The following PDZRN3 variants were observed in gnomAD, a reference collection of about 807,000 sequenced individuals.
The protein encoded by PDZRN3 is PDZ domain containing ring finger 3, also known as E3 ubiquitin-protein ligase PDZRN3.
A neutral mutation model predicts 85.7 loss-of-function variants in PDZRN3; 38 were observed. The ratio of observed to expected loss-of-function variants is 0.44; its 90% CI spans 0.34 to 0.58. PDZRN3 has a LOEUF of 0.58. Ranked by LOEUF, PDZRN3 falls within the 20% of genes least tolerant of loss-of-function variation. PDZRN3 has a pLI of 0.01. For missense variants in PDZRN3, 1,629 were observed against 1,506.4 expected (o/e 1.08, Z -1.35); for synonymous variants, 759 against 638.0 (o/e 1.19, Z -2.86).
chr3:73,448,195 T>C (rs1575660982), intron 3 of PDZRN3, among the ~76,000 whole-genome samples: 1 of 152,182 alleles, frequency 6.6e-6, no homozygotes, highest in African/African-American at 2.4e-5. Flanking sequence ...AAATCCCAGC[T>C]CAGCTTCTTT....
Position 73,624,188 on chromosome 3 carries a change from G to C in PDZRN3, c.638C>G (p.Ala213Gly). 1 of 1,499,852 alleles carries C rather than the reference G, an allele frequency of 6.7e-7. No individual in the cohort carries two copies. The highest frequency in any genetic ancestry group is 2.7e-5 in the East Asian group (1 of 36,368). 92.9% of individuals were successfully genotyped at this position (1,499,852 alleles called of 1,614,324 possible). Residue 213 changes from alanine to glycine, a missense_variant, in exon 1 of 10, where the codon GCG becomes GGG. Physicochemically the swap from Ala to Gly is moderately conservative, Grantham distance 60. Coordinates refer to ENST00000263666, the MANE Select transcript of PDZRN3 (RefSeq NM_015009.3). ...GGTGAATTTCTTCTGGTAGCGCAGC[G>C]CGGTCATCTGCAGCTCAAGCTGCGC... is the stretch of plus-strand genomic sequence containing the variant. Reference protein sequence around the residue: ...AAAQLELQMTALRYQKKFTEY... With the variant: ...AAAQLELQMTGLRYQKKFTEY...
At chr3:73,386,743 T>A (rs573330318) in intron 8 of PDZRN3, among the ~76,000 whole-genome samples, 4 of 152,240 alleles carry the variant, frequency 2.6e-5, no homozygotes, top group Admixed American at 6.5e-5. Flanking sequence ...ATTTACTATC[T>A]GGCCCTTTAA....
intron 3 of PDZRN3, among the ~76,000 whole-genome samples, chr3:73,448,380 T>C (rs1449546111): frequency 2.0e-5 from 3 of 152,246 alleles, no homozygotes. Context: ...TCTTCCTTTC[T>C]TTTTTACATT....
intron 3 of PDZRN3, among the ~76,000 whole-genome samples, chr3:73,451,849 TCA>T (rs58276955): frequency 0.21 from 31,543 of 148,722 alleles, 7,906 homozygotes; most frequent in African/African-American, 0.61. Flanking sequence ...TAGCTTCTCA[TCA>T]CACACACACA....
chr3:73,496,294 G>T (rs895559679), intron 3 of PDZRN3, among the ~76,000 whole-genome samples: 10 of 152,164 alleles, frequency 6.6e-5, no homozygotes, highest in South Asian at 2.1e-4. Flanking sequence ...CTTCGGAGAG[G>T]TAAATATTCT....
intron 3 of PDZRN3, among the ~76,000 whole-genome samples, chr3:73,488,499 T>C (rs905185743): frequency 6.6e-6 from 1 of 152,216 alleles, no homozygotes; most frequent in African/African-American, 2.4e-5. Flanking sequence ...GCTCTTCCCT[T>C]GGATGCTACC....
At chr3:73,404,908 C>T (rs937647905) in intron 3 of PDZRN3, among the ~76,000 whole-genome samples, 8 of 152,152 alleles carry the variant, frequency 5.3e-5, no homozygotes, top group African/African-American at 1.2e-4. Flanking sequence ...CAGGCCATAG[C>T]GGCATATGGC....
At position 73,383,679 on chromosome 3, in the gene PDZRN3, C is replaced by T. The variant is rs150622040; in HGVS notation, c.2887G>A (p.Ala963Thr). 2 of 1,611,974 alleles carry T rather than the reference C, an allele frequency of 1.2e-6. No individual in the cohort carries two copies. Among genetic ancestry groups the T allele is most frequent in the Admixed American group, 1.7e-5 (1 of 60,014 alleles). ...ERSGMTTDDD[A>T]VSEMKMGRYW... ...CGCCCCATCTTCATCTCGCTCACCG[C>T]GTCGTCGTCGGTGGTCATGCCGCTG... Residue 963 changes from alanine (A) to threonine (T), a missense_variant, in exon 10 of 10, where the codon GCG becomes ACG. Coordinates refer to ENST00000263666, the MANE Select transcript of PDZRN3 (RefSeq NM_015009.3).
chr3:73,403,030 G>A (rs988574590), intron 4 of PDZRN3, among the ~76,000 whole-genome samples: 2 of 146,066 alleles, frequency 1.4e-5, no homozygotes, highest in African/African-American at 2.6e-5. Flanking sequence ...TGCAAGCTCC[G>A]CCTCCCGGGT....
intron 9 of PDZRN3, among the ~76,000 whole-genome samples, chr3:73,385,298 GGTA>G (rs1701349531): frequency 6.6e-6 from 1 of 152,196 alleles, no homozygotes; most frequent in African/African-American, 2.4e-5. Flanking sequence ...CTCTGACAAT[GGTA>G]GTAGCATAGC....
Position 73,384,188 on chromosome 3 carries a change from C to T in PDZRN3, c.2378G>A (p.Gly793Glu). 1 of 1,614,022 alleles carries T rather than the reference C, an allele frequency of 6.2e-7. No individual in the cohort carries two copies. The highest frequency in any genetic ancestry group is 8.5e-7 in the Non-Finnish European group (1 of 1,180,032). ...AEGISCPSSE[G>E]AVGTTEAYGP... is the part of the protein sequence containing the mutation. ...GTAGGCTTCCGTGGTCCCCACAGCC[C>T]CTTCGCTGCTCGGGCAGCTGATGCC... is the stretch of plus-strand genomic sequence containing the variant. The change falls in exon 10 of 10, where the codon GGG becomes GAG. Residue 793 changes from glycine to glutamate, a missense_variant. Transcript: ENST00000263666.
intron 2 of PDZRN3, among the ~76,000 whole-genome samples, chr3:73,606,506 C>T (rs1702601185): frequency 6.6e-6 from 1 of 152,150 alleles, no homozygotes; most frequent in Non-Finnish European, 1.5e-5. Context: ...CAGAACAGCA[C>T]ATGATGACAT....
intron 3 of PDZRN3, among the ~76,000 whole-genome samples, chr3:73,474,963 C>T (rs762614361): frequency 2.0e-5 from 3 of 152,114 alleles, no homozygotes; most frequent in Non-Finnish European, 4.4e-5. Flanking sequence ...GTCTTTTCTG[C>T]TCAAAGAGTC....
At chr3:73,437,534 T>G (rs1702553606) in intron 3 of PDZRN3, among the ~76,000 whole-genome samples, 1 of 152,206 alleles carries the variant, frequency 6.6e-6, no homozygotes, top group Non-Finnish European at 1.5e-5. Flanking sequence ...ACAAGGGTAC[T>G]TTGGTGAGTC....
intron 3 of PDZRN3, among the ~76,000 whole-genome samples, chr3:73,433,232 G>A (rs1217746857): frequency 6.6e-6 from 1 of 152,192 alleles, no homozygotes; most frequent in Non-Finnish European, 1.5e-5. Flanking sequence ...TGAAAGGAGC[G>A]CCTTATAACT....
intron 3 of PDZRN3, among the ~76,000 whole-genome samples, chr3:73,424,700 C>G (rs990995970): frequency 6.6e-6 from 1 of 151,902 alleles, no homozygotes; most frequent in African/African-American, 2.4e-5. Context: ...GAGGAAAAAT[C>G]CAACAGAGAA....
At chr3:73,503,691 C>G (rs1704022035) in intron 3 of PDZRN3, among the ~76,000 whole-genome samples, 1 of 152,000 alleles carries the variant, frequency 6.6e-6, no homozygotes, top group African/African-American at 2.4e-5. Context: ...TGTAACACAG[C>G]ATTTATTGTG....
At chr3:73,495,685 T>TGTGTAA (rs531232067) in intron 3 of PDZRN3, among the ~76,000 whole-genome samples, 40,017 of 152,098 alleles carry the variant, frequency 0.26, 6,368 homozygotes, top group Non-Finnish European at 0.38. Flanking sequence ...CACATAAGGC[T>TGTGTAA]AGAACTTCTC....
At chr3:73,425,658 G>A (rs948372267) in intron 3 of PDZRN3, among the ~76,000 whole-genome samples, 1 of 151,852 alleles carries the variant, frequency 6.6e-6, no homozygotes, top group Non-Finnish European at 1.5e-5. Flanking sequence ...GAAGAGCGAG[G>A]TAAGGCGGAT....
Sources: gnomAD v4.1 joint callset for allele counts (sites outside exome capture counted in the v4.1 genomes callset) on GRCh38, gnomAD v4.1.1 for gene constraint, MANE v1.5 for transcripts, NCBI Gene and HGNC (gene_info 2026-07-23, HGNC 2026-07-21) for gene names.